DCC: variants seen among roughly 807,000 people sequenced by gnomAD.
The protein encoded by DCC is DCC netrin 1 receptor.
Under a neutral mutation model 172.5 loss-of-function variants are expected in DCC, and 58 were observed. The observed-to-expected ratio is 0.34, with a 90% confidence interval of 0.27 to 0.42. The LOEUF (loss-of-function observed/expected upper bound fraction) is 0.42. Ranked by LOEUF, DCC falls within the 10% of genes least tolerant of loss-of-function variation. The pLI, the probability that DCC is intolerant of heterozygous loss-of-function variation, is 1.00. For missense variants in DCC, 1,740 were observed against 1,791.0 expected, an observed-to-expected ratio of 0.97 and a Z score of 0.51; for synonymous variants, 709 against 644.5, an observed-to-expected ratio of 1.10 and a Z score of -1.52.
chr18:53,406,703 C>CAA (rs35372678), intron 19 of DCC, among the ~76,000 whole-genome samples: 40 of 92,064 alleles, frequency 4.3e-4, no homozygotes, highest in South Asian at 6.9e-4. Flanking sequence ...GACTCTGTCT[C>CAA]AAAAAAAAAA....
chr18:53,459,278 G>T lies in DCC; in HGVS notation c.3439G>T (p.Asp1147Tyr), dbSNP rs148589863. The T allele has an allele frequency of 3.1e-6, 5 of 1,614,002 alleles. No homozygotes were observed. The South Asian group carries it at 5.5e-5, about 18-fold the overall frequency. ...SAGKRKGSQK[D>Y]LRPPDLWIHH... ...TGGCAAAAGGAAGGGCAGCCAGAAGGACCTCCGACCCCCTGATCTTTGGAT... is the reference window on the plus strand; with the variant it reads ...TGGCAAAAGGAAGGGCAGCCAGAAGTACCTCCGACCCCCTGATCTTTGGAT... Residue 1147 changes from aspartate to tyrosine, a missense_variant, in exon 24 of 29, where the codon GAC becomes TAC. Transcript: ENST00000442544.
intron 1 of DCC, among the ~76,000 whole-genome samples, chr18:52,438,064 G>C (rs919801694): frequency 1.1e-4 from 17 of 152,266 alleles, no homozygotes; most frequent in Admixed American, 1.1e-3. Context: ...TAGATTCACT[G>C]ATTAGATGCC....
chr18:52,531,001 TA>T (rs2032132520), intron 1 of DCC, among the ~76,000 whole-genome samples: 1 of 152,210 alleles, frequency 6.6e-6, no homozygotes, highest in South Asian at 2.1e-4. Flanking sequence ...ATATTATAGA[TA>T]AATAAGGACA....
At chr18:52,799,436 A>T (rs1473196888) in intron 2 of DCC, among the ~76,000 whole-genome samples, 2 of 152,210 alleles carry the variant, frequency 1.3e-5, no homozygotes, top group Admixed American at 1.3e-4. Context: ...CATGAAAATG[A>T]GAAGGTGAAA....
chr18:52,550,305 A>G (rs2144721098), intron 1 of DCC, among the ~76,000 whole-genome samples: 1 of 152,054 alleles, frequency 6.6e-6, no homozygotes. Context: ...CTAAGGAGAC[A>G]TGGGGATTAA....
intron 1 of DCC, among the ~76,000 whole-genome samples, chr18:52,358,292 A>G (rs1030921178): frequency 2.6e-5 from 4 of 152,200 alleles, no homozygotes; most frequent in Non-Finnish European, 4.4e-5. Flanking sequence ...GTAAAACTTA[A>G]TAATGGTGGC....
At chr18:53,298,648 A>G (rs2057098053) in intron 12 of DCC, among the ~76,000 whole-genome samples, 1 of 151,494 alleles carries the variant, frequency 6.6e-6, no homozygotes, top group Non-Finnish European at 1.5e-5. Flanking sequence ...TAATATCTAC[A>G]TTTGTATTTT....
At chr18:52,498,774 G>C (rs764995341) in intron 1 of DCC, among the ~76,000 whole-genome samples, 9 of 152,028 alleles carry the variant, frequency 5.9e-5, no homozygotes, top group Non-Finnish European at 8.8e-5. Context: ...TTCTTGCTGT[G>C]TCCTCACAGG....
chr18:53,062,837 C>G (rs1368477844), intron 5 of DCC, among the ~76,000 whole-genome samples: 1 of 152,052 alleles, frequency 6.6e-6, no homozygotes, highest in Non-Finnish European at 1.5e-5. Flanking sequence ...CCAGTTTCAA[C>G]AGAAAATGAG....
At chr18:52,832,563 A>G (rs2038635025) in intron 2 of DCC, among the ~76,000 whole-genome samples, 1 of 152,152 alleles carries the variant, frequency 6.6e-6, no homozygotes, top group South Asian at 2.1e-4. Context: ...AACAGTCTTA[A>G]TAGCTTAACA....
chr18:53,266,231 A>G (rs118029143), intron 12 of DCC, among the ~76,000 whole-genome samples: 1,814 of 152,226 alleles, frequency 0.012, 24 homozygotes, highest in Middle Eastern at 0.02. Flanking sequence ...ACAGCTCAAC[A>G]CTGTTATCTT....
At chr18:53,350,564 AT>A (rs1041560400) in intron 15 of DCC, among the ~76,000 whole-genome samples, 5 of 123,716 alleles carry the variant, frequency 4.0e-5, no homozygotes, top group African/African-American at 1.5e-4. Flanking sequence ...GTAGATCCAT[AT>A]TTTTTGCCTC....
intron 2 of DCC, among the ~76,000 whole-genome samples, chr18:52,884,069 C>G (rs2039534590): frequency 6.6e-6 from 1 of 151,964 alleles, no homozygotes; most frequent in African/African-American, 2.4e-5. Context: ...ACTCTGCTGC[C>G]AGACATATTG....
At chr18:52,370,385 T>G (rs1985063446) in intron 1 of DCC, among the ~76,000 whole-genome samples, 1 of 152,178 alleles carries the variant, frequency 6.6e-6, no homozygotes, top group South Asian at 2.1e-4. Context: ...CACCATGGAA[T>G]AAAAGGAACA....
At chr18:53,324,509 T>A (rs1044378849) in intron 14 of DCC, among the ~76,000 whole-genome samples, 3 of 152,124 alleles carry the variant, frequency 2.0e-5, no homozygotes, top group African/African-American at 7.2e-5. Context: ...CTGCTTTATA[T>A]AAGGAACTGA....
intron 13 of DCC, among the ~76,000 whole-genome samples, 172 bp from the exon 14 acceptor site, chr18:53,321,875 T>C (rs1599023136): frequency 6.6e-6 from 1 of 152,262 alleles, no homozygotes; most frequent in East Asian, 1.9e-4. Context: ...TAATTTGATT[T>C]CTTGCTATGA....
At chr18:52,510,170 C>T (rs1451873339) in intron 1 of DCC, among the ~76,000 whole-genome samples, 1 of 151,708 alleles carries the variant, frequency 6.6e-6, no homozygotes, top group Non-Finnish European at 1.5e-5. Flanking sequence ...TGACTTAGGG[C>T]CACTCCTTGG....
intron 1 of DCC, among the ~76,000 whole-genome samples, chr18:52,551,276 G>A (rs928228912): frequency 6.6e-6 from 1 of 151,818 alleles, no homozygotes; most frequent in Non-Finnish European, 1.5e-5. Flanking sequence ...GGAGGGCTCG[G>A]AATAGAAAAG....
rs538262594 is a variant in DCC, at chr18:52,415,905, C to T, written c.91+75027C>T. 5.3e-5 allele frequency among the ~76,000 whole-genome samples: 8 copies of T among 152,026 alleles called. No homozygotes were observed. The South Asian group carries it at 8.3e-4, about 16-fold the overall frequency. On this transcript the variant is annotated intron_variant, in intron 1 of 28. Transcript: ENST00000442544. ...TACTCTGATTTTAGTTATTTCTTGC[C>T]GTCTGCTAGCTTTTGAATATGTTTG...
Sources: gnomAD v4.1 joint callset for allele counts (sites outside exome capture counted in the v4.1 genomes callset) on GRCh38, gnomAD v4.1.1 for gene constraint, MANE v1.5 for transcripts, NCBI Gene and HGNC (gene_info 2026-07-23, HGNC 2026-07-21) for gene names.